CEP89: variants seen among roughly 807,000 people sequenced by gnomAD.
CEP89 encodes the protein centrosomal protein of 89 kDa.
CEP89 carries 95 observed loss-of-function variants against 97.6 expected under a neutral mutation model. The observed-to-expected ratio is 0.97, with a 90% CI of 0.82 to 1.15. CEP89 has a LOEUF of 1.15. CEP89 is among the 50% of genes most tolerant of loss of function. CEP89 has a pLI of 0.00. For missense variants in CEP89, 869 were observed against 947.7 expected (o/e 0.92, Z 1.09); for synonymous variants, 354 against 349.1 (o/e 1.01, Z -0.16).
In CEP89 at chr19:32,960,137, C is replaced by T. The variant is rs1196626107; in HGVS notation, c.147-79G>A. On this transcript the variant is annotated intron_variant, in intron 2 of 18. Transcript: ENST00000305768. ...TGCTGAACAAGGTACATAAACTCAT[C>T]AAGGCTTACCTTCTGCTGGACAGTG... The T allele has an allele frequency of 2.7e-6, 4 of 1,463,516 alleles. No homozygotes were observed. In the African/African-American group the frequency reaches 5.5e-5, roughly 20 times the overall value. 90.7% of individuals were successfully genotyped at this position (1,463,516 alleles called of 1,614,324 possible).
intron 1 of CEP89, 69 bp downstream of exon 1, chr19:32,971,767 G>T: frequency 7.1e-7 from 1 of 1,402,314 alleles, no homozygotes; most frequent in Non-Finnish European, 9.8e-7. Context: ...ACCCCAACCC[G>T]CCCCAACACT....
At chr19:32,919,828 T>TAG (rs1357894758) in intron 12 of CEP89, among the ~76,000 whole-genome samples, 2 of 152,162 alleles carry the variant, frequency 1.3e-5, no homozygotes, top group African/African-American at 4.8e-5. Flanking sequence ...TATGTTTTGG[T>TAG]AGAGACAGGG....
At chr19:32,919,785 T>C (rs1429151940) in intron 12 of CEP89, among the ~76,000 whole-genome samples, 2 of 152,166 alleles carry the variant, frequency 1.3e-5, no homozygotes, top group African/African-American at 2.4e-5. Flanking sequence ...ATTAGAGGCA[T>C]GCATCACCAC....
chr19:32,899,975 A>G lies in CEP89; in HGVS notation c.1757T>C (p.Val586Ala). ...GGCTTTTTCCACCTGCTTTTTGAGG[A>G]CCTCAATTTTCTTTTGAGATTTCCT... Reference protein sequence around the residue: ...INRKSQKKIEVLKKQVEKAMG... With the variant: ...INRKSQKKIEALKKQVEKAMG... Residue 586 changes from valine (V) to alanine (A), a missense_variant, in exon 16 of 19, where the codon GTC (valine) becomes GCC (alanine). Transcript: ENST00000305768. 1 of 1,614,028 alleles carries G rather than the reference A, an allele frequency of 6.2e-7. No homozygotes were observed. The highest frequency in any genetic ancestry group is 8.5e-7 in the Non-Finnish European group (1 of 1,179,992).
At chr19:32,933,357 C>A in intron 8 of CEP89, 94 bp downstream of exon 8, 2 of 953,130 alleles carry the variant, frequency 2.1e-6, no homozygotes, top group Admixed American at 2.3e-5. Flanking sequence ...CATAAATTAC[C>A]AACACAAATA....
rs1278693558 is a variant in CEP89, at chr19:32,899,937, T to C, written c.1795A>G (p.Met599Val). The C allele has an allele frequency of 7.4e-6, 12 of 1,613,964 alleles. No individual in the cohort carries two copies. The highest frequency in any genetic ancestry group is 8.5e-6 in the Non-Finnish European group (10 of 1,179,984). Residue 599 changes from methionine (M) to valine (V), a missense_variant, in exon 16 of 19, where the codon ATG becomes GTG. Physicochemically the swap from Met to Val is conservative, Grantham distance 21 (BLOSUM62 1). Transcript: ENST00000305768. Reference sequence around the variant, plus strand: ...TTTGCCAGGTACTGATGAGCAGACATTTCGTTCCCCATGGCTTTTTCCACC... The same window carrying C: ...TTTGCCAGGTACTGATGAGCAGACACTTCGTTCCCCATGGCTTTTTCCACC... ...KQVEKAMGNE[M>V]SAHQYLANLV...
intron 14 of CEP89, among the ~76,000 whole-genome samples, chr19:32,912,791 C>T (rs139359708): frequency 6.6e-6 from 1 of 151,680 alleles, no homozygotes; most frequent in Non-Finnish European, 1.5e-5. Context: ...GCCTGTAATC[C>T]CAGCACTTTG....
Position 32,878,049 on chromosome 19 carries a change from G to A in CEP89, c.*1113C>T, listed in dbSNP as rs1969203036. ...CCTGCCTCGACCTCCCAAAGTGCTGGGATTACAGGAGTGAGCCACCATGGC... is the reference window on the plus strand; with the variant it reads ...CCTGCCTCGACCTCCCAAAGTGCTGAGATTACAGGAGTGAGCCACCATGGC... On this transcript the variant is annotated 3_prime_UTR_variant, in exon 19 of 19. Transcript: ENST00000305768. The A allele has an allele frequency of 1.3e-5, 2 of 152,190 alleles. No individual in the cohort carries two copies. Among genetic ancestry groups the A allele is most frequent in the Non-Finnish European group, 2.9e-5 (2 of 68,094 alleles). The allele number at this position is 152,190 out of a possible 1,614,324, so 9.4% of individuals were successfully genotyped here.
chr19:32,957,444 A>G (rs1039830296), intron 3 of CEP89, among the ~76,000 whole-genome samples: 5 of 152,138 alleles, frequency 3.3e-5, no homozygotes, highest in Non-Finnish European at 7.3e-5. Context: ...AGGAGAGAGG[A>G]TCTCTTGAAG....
intron 5 of CEP89, among the ~76,000 whole-genome samples, chr19:32,944,889 C>T (rs2145946327): frequency 6.6e-6 from 1 of 152,314 alleles, no homozygotes; most frequent in Middle Eastern, 3.4e-3. Context: ...ATGGAAGCCA[C>T]TGCACTTTAC....
chr19:32,921,088 G>A (rs1471077572), intron 12 of CEP89, among the ~76,000 whole-genome samples: 1 of 151,892 alleles, frequency 6.6e-6, no homozygotes, highest in East Asian at 1.9e-4. Context: ...CAGGCGTGGT[G>A]GTGGGCGCCT....
intron 1 of CEP89, 115 bp from the exon 2 acceptor site, chr19:32,966,581 C>T: frequency 2.1e-6 from 1 of 476,102 alleles, no homozygotes; most frequent in Non-Finnish European, 3.5e-6. Flanking sequence ...CCCATGGATC[C>T]AAACCCATCA....
intron 17 of CEP89, among the ~76,000 whole-genome samples, chr19:32,883,327 T>C (rs1172267870): frequency 6.6e-6 from 1 of 152,136 alleles, no homozygotes; most frequent in Non-Finnish European, 1.5e-5. Flanking sequence ...TTTTTTGATT[T>C]TGCTTATTAA....
chr19:32,906,839 A>G (rs1969896842), intron 14 of CEP89, among the ~76,000 whole-genome samples: 1 of 151,950 alleles, frequency 6.6e-6, no homozygotes, highest in Non-Finnish European at 1.5e-5. Flanking sequence ...TCAGTTCTAA[A>G]AATTCTATTT....
chr19:32,954,506 C>G (rs1290433537), intron 3 of CEP89, among the ~76,000 whole-genome samples: 3 of 151,334 alleles, frequency 2.0e-5, no homozygotes, highest in Non-Finnish European at 4.4e-5. Flanking sequence ...CTGGGACTAA[C>G]CAAGCCCAGC....
intron 4 of CEP89, among the ~76,000 whole-genome samples, chr19:32,948,629 T>A (rs1599767796): frequency 6.6e-6 from 1 of 152,148 alleles, no homozygotes; most frequent in Admixed American, 6.5e-5. Context: ...GAGCTCCACA[T>A]CCCAGCCATG....
At chr19:32,911,303 A>C (rs888470641) in intron 14 of CEP89, among the ~76,000 whole-genome samples, 2 of 152,200 alleles carry the variant, frequency 1.3e-5, no homozygotes, top group Non-Finnish European at 2.9e-5. Flanking sequence ...GTTTGAGAAA[A>C]ATAAAATTAT....
intron 17 of CEP89, among the ~76,000 whole-genome samples, chr19:32,884,632 T>G (rs1332785191): frequency 3.3e-5 from 5 of 152,158 alleles, no homozygotes; most frequent in Non-Finnish European, 2.9e-5. Flanking sequence ...CAGGCTGGAG[T>G]GCAGTGGTGT....
intron 2 of CEP89, among the ~76,000 whole-genome samples, chr19:32,961,891 G>A (rs1025202337): frequency 3.9e-5 from 6 of 151,950 alleles, no homozygotes; most frequent in African/African-American, 1.5e-4. Context: ...TAATCCTCCT[G>A]CCTCAGTCTC....
Sources: gnomAD v4.1 joint callset for allele counts (sites outside exome capture counted in the v4.1 genomes callset) on GRCh38, gnomAD v4.1.1 for gene constraint, MANE v1.5 for transcripts, NCBI Gene and HGNC (gene_info 2026-07-23, HGNC 2026-07-21) for gene names.